HPSE2: variants seen among roughly 807,000 people sequenced by gnomAD.
HPSE2 encodes the protein heparanase 2 (inactive), also known as inactive heparanase-2.
HPSE2 carries 38 observed loss-of-function variants against 60.5 expected under a neutral mutation model. The ratio of observed to expected loss-of-function variants is 0.63; its 90% confidence interval spans 0.48 to 0.82. The LOEUF is 0.82. Ranked by LOEUF, HPSE2 falls within the 40% of genes least tolerant of loss-of-function variation. The pLI, the probability that HPSE2 is intolerant of heterozygous loss-of-function variation, is 0.00. For missense variants in HPSE2, 713 were observed against 740.4 expected (o/e 0.96, Z 0.43); for synonymous variants, 295 against 293.2 (o/e 1.01, Z -0.06).
intron 3 of HPSE2, among the ~76,000 whole-genome samples, chr10:98,993,716 T>C (rs1298713706): frequency 2.0e-5 from 3 of 152,162 alleles, no homozygotes; most frequent in Admixed American, 6.6e-5. Flanking sequence ...CTTTAATGGA[T>C]TGGTTACATT....
the HPSE2 span, among the ~76,000 whole-genome samples, chr10:99,305,341 T>C: frequency 8.5e-5 from 13 of 152,130 alleles, no homozygotes; most frequent in Admixed American, 2.0e-4. Flanking sequence ...CCCCAGGCTC[T>C]CAATGAAAAG....
chr10:99,219,460 G>C (rs1849239136), intron 2 of HPSE2, among the ~76,000 whole-genome samples: 1 of 152,082 alleles, frequency 6.6e-6, no homozygotes, highest in Non-Finnish European at 1.5e-5. Context: ...AGAAACCACA[G>C]ACCCACTCTA....
chr10:98,600,875 GTATATATACA>G, intron 9 of HPSE2, among the ~76,000 whole-genome samples: 1 of 119,140 alleles, frequency 8.4e-6, no homozygotes, highest in South Asian at 2.7e-4. Context: ...ACGTATATAT[GTATATATACA>G]TATATACGTA....
chr10:98,805,890 G>C (rs752932809), intron 3 of HPSE2, among the ~76,000 whole-genome samples: 1 of 152,136 alleles, frequency 6.6e-6, no homozygotes, highest in African/African-American at 2.4e-5. Flanking sequence ...CAAAGGAAAA[G>C]TGTGGTTGTA....
intron 3 of HPSE2, among the ~76,000 whole-genome samples, chr10:99,101,561 T>C (rs1843991006): frequency 6.6e-6 from 1 of 152,110 alleles, no homozygotes; most frequent in South Asian, 2.1e-4. Flanking sequence ...CACCCCACTG[T>C]CAACATTAGA....
intron 3 of HPSE2, among the ~76,000 whole-genome samples, chr10:99,044,080 T>TA (rs1564761191): frequency 6.6e-6 from 1 of 151,818 alleles, no homozygotes; most frequent in African/African-American, 2.4e-5. Flanking sequence ...CACTACAAAA[T>TA]AAAAAATCTT....
At chr10:98,749,993 A>C (rs1949722407) in intron 3 of HPSE2, among the ~76,000 whole-genome samples, 1 of 135,460 alleles carries the variant, frequency 7.4e-6, no homozygotes, top group African/African-American at 2.6e-5. Context: ...AGCAAAACAG[A>C]AAACAGGCCC....
chr10:98,585,731 C>T (rs1944921582), intron 9 of HPSE2, among the ~76,000 whole-genome samples: 2 of 151,732 alleles, frequency 1.3e-5, no homozygotes, highest in African/African-American at 2.4e-5. Flanking sequence ...GTGGGTGGAT[C>T]ACCTGAAGTC....
intron 3 of HPSE2, among the ~76,000 whole-genome samples, chr10:99,099,306 T>G (rs1843847103): frequency 6.6e-6 from 1 of 152,234 alleles, no homozygotes; most frequent in Non-Finnish European, 1.5e-5. Flanking sequence ...ATACTGCGCT[T>G]TTCCAACAGT....
chr10:98,893,087 G>A (rs930160819), intron 3 of HPSE2, among the ~76,000 whole-genome samples: 7 of 151,112 alleles, frequency 4.6e-5, no homozygotes, highest in Admixed American at 3.3e-4. Flanking sequence ...TTATTTTTGA[G>A]ATGGAGTTTC....
chr10:99,301,563 A>G, the HPSE2 span, among the ~76,000 whole-genome samples: 1 of 152,206 alleles, frequency 6.6e-6, no homozygotes, highest in Non-Finnish European at 1.5e-5. Flanking sequence ...TTTCCTTTGC[A>G]AATTGCCCAG....
intron 2 of HPSE2, among the ~76,000 whole-genome samples, chr10:99,187,416 T>C (rs1273402248): frequency 6.6e-6 from 1 of 152,130 alleles, no homozygotes; most frequent in Non-Finnish European, 1.5e-5. Flanking sequence ...TCATCAAAAT[T>C]TAAAACTTTT....
chr10:99,236,244 G>A (rs1849851116), upstream of HPSE2, among the ~76,000 whole-genome samples: 1 of 151,976 alleles, frequency 6.6e-6, no homozygotes, highest in African/African-American at 2.4e-5. Context: ...CTAGGGTCAG[G>A]AAGCAGAGGG....
chr10:99,023,436 G>T (rs1957308486), intron 3 of HPSE2, among the ~76,000 whole-genome samples: 2 of 152,150 alleles, frequency 1.3e-5, no homozygotes, highest in Non-Finnish European at 2.9e-5. Flanking sequence ...GACCTGAAAA[G>T]AAGAATACAG....
In HPSE2 at chr10:98,584,638, G is replaced by A. The variant is rs544805183; in HGVS notation, c.1320+30266C>T. 3.9e-5 allele frequency among the ~76,000 whole-genome samples: 6 copies of A among 152,196 alleles called. 1 individual carries two copies. In the South Asian group the frequency reaches 1.2e-3, roughly 32 times the overall value. ...CTAAACCATTATATCATAATCCTTA[G>A]CTAATCTTAACTAAGACCCAGGATA... On this transcript the variant is annotated intron_variant, in intron 9 of 11. Transcript: ENST00000370552.
chr10:98,461,704 A>G, intron 11 of HPSE2: 1 of 1,285,534 alleles, frequency 7.8e-7, no homozygotes, highest in Non-Finnish European at 1.1e-6. Context: ...GGTCTCTGCT[A>G]GAAAACCTTC....
chr10:98,475,697 T>C (rs1397787292), intron 11 of HPSE2, among the ~76,000 whole-genome samples: 3 of 140,636 alleles, frequency 2.1e-5, no homozygotes, highest in Admixed American at 1.4e-4. Flanking sequence ...AAATCTAGAG[T>C]CATTGCTGGT....
intron 3 of HPSE2, among the ~76,000 whole-genome samples, chr10:98,840,810 A>AG (rs1225147645): frequency 3.9e-5 from 6 of 152,184 alleles, no homozygotes; most frequent in African/African-American, 1.4e-4. Context: ...AATAAAAGCA[A>AG]GTCATGTTAG....
intron 3 of HPSE2, among the ~76,000 whole-genome samples, chr10:98,788,654 G>A (rs1249631432): frequency 6.6e-6 from 1 of 152,184 alleles, no homozygotes; most frequent in African/African-American, 2.4e-5. Context: ...GTGGTGCGCT[G>A]TTTCTTAAGC....
Sources: allele counts gnomAD v4.1 joint callset (sites outside exome capture counted in the v4.1 genomes callset), GRCh38; gene constraint gnomAD v4.1.1; transcripts MANE v1.5; gene names NCBI Gene and HGNC (gene_info 2026-07-23, HGNC 2026-07-21).